Variants in BRINP2 observed in about 807,000 individuals in gnomAD.
BRINP2 encodes BMP/retinoic acid inducible neural specific 2.
A neutral mutation model predicts 69.2 loss-of-function variants in BRINP2; 21 were observed. That is an observed-to-expected ratio of 0.30 (90% CI 0.22 to 0.44). The LOEUF (loss-of-function observed/expected upper bound fraction) is 0.44, where lower values mean the gene tolerates loss of function less well. Among genes scored for constraint, BRINP2 ranks in the 20% least tolerant of loss-of-function variants. The probability of loss-of-function intolerance (pLI) is 1.00; values close to 1 mark genes in which losing one functional copy is unlikely to be tolerated. For missense variants in BRINP2, 877 were observed against 986.0 expected (o/e 0.89, Z 1.48); for synonymous variants, 380 against 394.1 (o/e 0.96, Z 0.42).
intron 7 of BRINP2, among the ~76,000 whole-genome samples, chr1:177,280,137 G>C (rs1373605278): frequency 6.6e-6 from 1 of 152,056 alleles, no homozygotes; most frequent in Non-Finnish European, 1.5e-5. Context: ...TTTGAATAAG[G>C]GAATGAAGTA....
intron 3 of BRINP2, chr1:177,256,739 T>A (rs1048597448): frequency 1.0e-5 from 11 of 1,084,710 alleles, no homozygotes; most frequent in Non-Finnish European, 1.2e-5. Context: ...CTCCCAGGGC[T>A]CGGGCCAGCT....
At position 177,257,212 on chromosome 1, in the gene BRINP2, A is replaced by G; in HGVS notation, c.497A>G (p.Lys166Arg). 6.2e-7 allele frequency: 1 copy of G among 1,614,086 alleles called. No homozygotes were observed. The highest frequency in any genetic ancestry group is 8.5e-7 in the Non-Finnish European group (1 of 1,180,020). The change falls in exon 4 of 8, where the codon AAA (lysine) becomes AGA (arginine). Residue 166 changes from lysine to arginine, a missense_variant. Physicochemically the swap from Lys to Arg is conservative, Grantham distance 26. Coordinates refer to ENST00000361539, the MANE Select transcript of BRINP2 (RefSeq NM_021165.4). ...ESLTIFVDKQ[K>R]LGRKTETTGG... ...CTGACCATTTTTGTGGACAAGCAGA[A>G]ACTGGGAAGAAAGACAGAGACAACA...
In BRINP2 at chr1:177,177,736, T is replaced by C. The variant is rs75853522; in HGVS notation, c.-77+6004T>C. On this transcript the variant is annotated intron_variant, in intron 1 of 7. Transcript: ENST00000361539. ...TTTTCAGTTTTATCATCTATAGAAG[T>C]AAAAAATAGTAATGCTAGATCTCTC... 3.4e-3 allele frequency among the ~76,000 whole-genome samples: 511 copies of C among 152,242 alleles called. 2 individuals carry two copies. The highest frequency in any genetic ancestry group is 0.012 in the African/African-American group (489 of 41,530).
intron 4 of BRINP2, among the ~76,000 whole-genome samples, chr1:177,272,038 C>T (rs1292666895): frequency 6.6e-6 from 1 of 152,206 alleles, no homozygotes; most frequent in Admixed American, 6.5e-5. Flanking sequence ...GGTAACAAGG[C>T]AGGGTGCTAG....
chr1:177,220,404 G>A (rs1045957132), intron 1 of BRINP2, among the ~76,000 whole-genome samples: 2 of 152,080 alleles, frequency 1.3e-5, no homozygotes, highest in African/African-American at 2.4e-5. Flanking sequence ...CTGAGTTCAC[G>A]CCTATCTGTG....
chr1:177,175,387 G>A (rs1242750617), intron 1 of BRINP2, among the ~76,000 whole-genome samples: 1 of 152,170 alleles, frequency 6.6e-6, no homozygotes, highest in Non-Finnish European at 1.5e-5. Flanking sequence ...GCCAGCCTGG[G>A]CAATGCCAAG....
At chr1:177,179,583 T>A (rs1209077550) in intron 1 of BRINP2, among the ~76,000 whole-genome samples, 6 of 151,684 alleles carry the variant, frequency 4.0e-5, no homozygotes, top group Non-Finnish European at 7.4e-5. Flanking sequence ...ACACACTCTT[T>A]CTCTCACACA....
chr1:177,260,800 C>T (rs1006433933), intron 4 of BRINP2, among the ~76,000 whole-genome samples: 2 of 152,152 alleles, frequency 1.3e-5, no homozygotes, highest in African/African-American at 4.8e-5. Context: ...TAATAGACTA[C>T]AGTATAGTGT....
intron 4 of BRINP2, among the ~76,000 whole-genome samples, chr1:177,257,852 G>C (rs759157835): frequency 2.0e-5 from 3 of 152,184 alleles, no homozygotes; most frequent in Non-Finnish European, 4.4e-5. Context: ...TGAGCGGAAA[G>C]TGTTCAGGCA....
At chr1:177,275,876 C>T (rs575540565) in intron 5 of BRINP2, among the ~76,000 whole-genome samples, 1 of 152,318 alleles carries the variant, frequency 6.6e-6, no homozygotes, top group African/African-American at 2.4e-5. Context: ...TTCCTGTTTC[C>T]ATCCCAGAAA....
chr1:177,229,921 G>A lies in BRINP2; in HGVS notation c.45G>A (p.Ala15=), dbSNP rs568417156. Residue 15 remains alanine, a synonymous_variant, in exon 2 of 8, where the codon GCG becomes GCA. Transcript: ENST00000361539. ...CGTRFRGLRP[A]VAPWTALLAL... Reference sequence around the variant, plus strand: ...CTCGGTTTAGAGGGCTTCGGCCGGCGGTGGCCCCATGGACAGCCCTGCTGG... The same window carrying A: ...CTCGGTTTAGAGGGCTTCGGCCGGCAGTGGCCCCATGGACAGCCCTGCTGG... 92 of 1,608,648 alleles carry A rather than the reference G, an allele frequency of 5.7e-5. 1 individual carries two copies. Among genetic ancestry groups the A allele is most frequent in the South Asian group, 2.0e-4 (18 of 90,436 alleles).
intron 2 of BRINP2, among the ~76,000 whole-genome samples, chr1:177,246,794 G>T (rs566341506): frequency 5.9e-5 from 9 of 152,260 alleles, no homozygotes; most frequent in African/African-American, 1.7e-4. Flanking sequence ...TTATCGTTTC[G>T]TTTTATAGCT....
intron 4 of BRINP2, among the ~76,000 whole-genome samples, chr1:177,262,764 T>C (rs1157184529): frequency 2.6e-5 from 4 of 152,134 alleles, no homozygotes; most frequent in Non-Finnish European, 4.4e-5. Flanking sequence ...AGTCTTTGGC[T>C]AACAGGAAGA....
At chr1:177,238,483 C>A (rs1212828630) in intron 2 of BRINP2, among the ~76,000 whole-genome samples, 2 of 152,160 alleles carry the variant, frequency 1.3e-5, no homozygotes, top group Non-Finnish European at 2.9e-5. Context: ...ATGGGACAAG[C>A]CAGAAACCTC....
At chr1:177,255,799 A>T in intron 2 of BRINP2, 120 bp from the exon 3 acceptor site, 6 of 1,017,590 alleles carry the variant, frequency 5.9e-6, no homozygotes, top group Non-Finnish European at 8.7e-6. Flanking sequence ...AGCTGAGGGG[A>T]TGTGGGCTGA....
chr1:177,223,820 G>C (rs531267433), intron 1 of BRINP2, among the ~76,000 whole-genome samples: 2 of 152,198 alleles, frequency 1.3e-5, no homozygotes, highest in South Asian at 2.1e-4. Flanking sequence ...TTGCTTGCCA[G>C]TTCCATGCCA....
intron 1 of BRINP2, among the ~76,000 whole-genome samples, chr1:177,176,853 G>A (rs559501532): frequency 3.4e-4 from 52 of 152,218 alleles, no homozygotes; most frequent in Non-Finnish European, 4.9e-4. Context: ...AGAGTGAGCC[G>A]GTGGGTGGCT....
At chr1:177,211,130 G>A (rs1243241143) in intron 1 of BRINP2, among the ~76,000 whole-genome samples, 2 of 151,938 alleles carry the variant, frequency 1.3e-5, no homozygotes, top group Non-Finnish European at 2.9e-5. Context: ...GTCTTACAAC[G>A]TCTAAGGTAT....
Position 177,281,303 on chromosome 1 carries a change from T to C in BRINP2, c.2127T>C (p.Thr709=), listed in dbSNP as rs1240023533. 6.2e-7 allele frequency: 1 copy of C among 1,614,126 alleles called. No homozygotes were observed. The highest frequency in any genetic ancestry group is 2.2e-5 in the East Asian group (1 of 44,852). ...DLILQLDYPY[T]QGSQDSALLQ... ...TTCTCCAGTTGGACTACCCATATAC[T>C]CAAGGTTCCCAGGACTCTGCACTCT... The change falls in exon 8 of 8, where the codon ACT becomes ACC. Residue 709 remains threonine (T), a synonymous_variant. Coordinates refer to ENST00000361539, the MANE Select transcript of BRINP2 (RefSeq NM_021165.4).
Sources: allele counts gnomAD v4.1 joint callset (sites outside exome capture counted in the v4.1 genomes callset), GRCh38; gene constraint gnomAD v4.1.1; transcripts MANE v1.5; gene names NCBI Gene and HGNC (gene_info 2026-07-23, HGNC 2026-07-21).